WDR27: variants seen among roughly 807,000 people sequenced by gnomAD.
WDR27 encodes the protein WD repeat domain 27.
Under a neutral mutation model 114.4 loss-of-function variants are expected in WDR27, and 100 were observed. The observed-to-expected ratio is 0.87, with a 90% CI of 0.74 to 1.03. The LOEUF (loss-of-function observed/expected upper bound fraction) is 1.03. Ranked by LOEUF, WDR27 falls within the 50% of genes least tolerant of loss-of-function variation. The pLI, the probability that WDR27 is intolerant of heterozygous loss-of-function variation, is 0.00. For synonymous variants in WDR27, 449 were observed against 423.1 expected (o/e 1.06, Z -0.75); for missense variants, 1,129 against 1,092.9 (o/e 1.03, Z -0.47).
chr6:169,645,292 C>T (rs374203449), intron 16 of WDR27, among the ~76,000 whole-genome samples: 13 of 116,176 alleles, frequency 1.1e-4, no homozygotes, highest in South Asian at 1.1e-3. Context: ...CCTAGTTCAC[C>T]GGGTCATACT....
rs1585151279 is a variant in WDR27, at chr6:169,684,997, C to T, written c.189+3820G>A. On this transcript the variant is annotated intron_variant, in intron 2 of 25. Transcript: ENST00000448612. The surrounding 1 kb of genome is among the most constrained non-coding windows in gnomAD (Gnocchi z 4.3). ...CCAGGTGAACCCATCCTTGGCAAAG[C>T]TACACAACCATCACCACAAATTCTC... is the stretch of plus-strand genomic sequence containing the variant. Among the ~76,000 whole-genome samples, 1 of 152,334 alleles carries T rather than the reference C, an allele frequency of 6.6e-6. No homozygotes were observed. The highest frequency in any genetic ancestry group is 1.9e-4 in the East Asian group (1 of 5,182).
chr6:169,700,533 C>T (rs1401657380), intron 1 of WDR27, among the ~76,000 whole-genome samples: 1 of 152,240 alleles, frequency 6.6e-6, no homozygotes, highest in Non-Finnish European at 1.5e-5. Context: ...CACTGCCTCT[C>T]TTCTTTCCCC....
intron 21 of WDR27, among the ~76,000 whole-genome samples, chr6:169,630,518 C>A (rs1226666726): frequency 6.6e-6 from 1 of 152,226 alleles, no homozygotes; most frequent in Non-Finnish European, 1.5e-5. Flanking sequence ...CAGATTTATA[C>A]TTTAACATTC....
At chr6:169,521,766 C>G (rs903769738) in intron 25 of WDR27, among the ~76,000 whole-genome samples, 1 of 151,676 alleles carries the variant, frequency 6.6e-6, no homozygotes, top group African/African-American at 2.4e-5. Context: ...GTTTTGTAAG[C>G]CTCATAGTAA....
intron 25 of WDR27, among the ~76,000 whole-genome samples, chr6:169,540,993 A>C (rs1055881388): frequency 2.0e-5 from 3 of 152,220 alleles, no homozygotes; most frequent in Non-Finnish European, 4.4e-5. Flanking sequence ...CACTGAAGAA[A>C]TCTTTATTCT....
At chr6:169,618,442 T>C (rs1812364967) in intron 21 of WDR27, among the ~76,000 whole-genome samples, 1 of 152,116 alleles carries the variant, frequency 6.6e-6, no homozygotes. Flanking sequence ...ATTTTTTAAA[T>C]GAGCCATTTA....
In WDR27 at chr6:169,638,655, C is replaced by T. The variant is rs1375009383; in HGVS notation, c.1753G>A (p.Asp585Asn). 3.1e-6 allele frequency: 5 copies of T among 1,601,928 alleles called. No individual in the cohort carries two copies. Among genetic ancestry groups the T allele is most frequent in the Non-Finnish European group, 4.3e-6 (5 of 1,174,322 alleles). ...CAGCACACGGCATTCACTGCCCCGT[C>T]GTGACCTAACAGGAATGACCACAGA... ...TGTPAVFSGHDGAVNAVCWSQ... is the reference protein window; with the variant it reads ...TGTPAVFSGHNGAVNAVCWSQ... Residue 585 changes from aspartate (D) to asparagine (N), a missense_variant, in exon 18 of 26, where the codon GAC (aspartate) becomes AAC (asparagine). Asp to Asn is a conservative substitution (Grantham distance 23, BLOSUM62 1). Coordinates refer to ENST00000448612, the MANE Select transcript of WDR27 (RefSeq NM_182552.5).
intron 25 of WDR27, among the ~76,000 whole-genome samples, chr6:169,502,205 A>T (rs952009328): frequency 5.3e-5 from 8 of 152,266 alleles, no homozygotes; most frequent in African/African-American, 1.9e-4. Context: ...CGCACGCCTG[A>T]CGCTCTGGCG....
intron 25 of WDR27, among the ~76,000 whole-genome samples, chr6:169,481,349 C>T (rs1788024950): frequency 6.6e-6 from 1 of 152,176 alleles, no homozygotes; most frequent in Non-Finnish European, 1.5e-5. Flanking sequence ...GTAAAATGGA[C>T]CAATCAGCTC....
chr6:169,597,585 G>A (rs1309817966), intron 23 of WDR27, among the ~76,000 whole-genome samples: 1 of 151,988 alleles, frequency 6.6e-6, no homozygotes, highest in African/African-American at 2.4e-5. Context: ...GGTGTCCATT[G>A]GGAATTCCCA....
intron 1 of WDR27, among the ~76,000 whole-genome samples, chr6:169,700,059 C>A (rs1425372518): frequency 6.6e-6 from 1 of 152,182 alleles, no homozygotes; most frequent in Non-Finnish European, 1.5e-5. Flanking sequence ...ATTCCTCCCA[C>A]CTCCACCCCA....
chr6:169,434,229 A>G, the WDR27 span, among the ~76,000 whole-genome samples: 2 of 152,148 alleles, frequency 1.3e-5, no homozygotes, highest in African/African-American at 4.8e-5. Context: ...TAGGTTTTAC[A>G]TTTAAGTCCT....
chr6:169,602,307 A>G lies in WDR27; in HGVS notation c.2336T>C (p.Phe779Ser), dbSNP rs1193526560. The change falls in exon 23 of 26, where the codon TTT becomes TCT. Residue 779 changes from phenylalanine to serine, a missense_variant. By Grantham distance (155) the Phe-to-Ser change is radical (BLOSUM62 -2). Coordinates refer to ENST00000448612, the MANE Select transcript of WDR27 (RefSeq NM_182552.5). The part of the protein sequence containing the change: ...DLRTLRCERH[F>S]EGHPTRGYPC... ...ATAGCCGCGGGTTGGATGCCCTTCA[A>G]AGTGGCGCTCACACCTACAGGGAGG... is the stretch of plus-strand genomic sequence containing the variant. 9 of 1,553,946 alleles carry G rather than the reference A, an allele frequency of 5.8e-6. No homozygotes were observed. The highest frequency in any genetic ancestry group is 1.9e-5 in the Admixed American group (1 of 52,334).
chr6:169,510,185 A>C lies in WDR27; in HGVS notation c.2646-52551T>G, dbSNP rs997551645. Among the ~76,000 whole-genome samples, 16 of 152,196 alleles carry C rather than the reference A, an allele frequency of 1.1e-4. 1 individual carries two copies. The highest frequency in any genetic ancestry group is 9.8e-4 in the Admixed American group (15 of 15,272). ...GGAACACTTTTACACTGTTGGTGGG[A>C]CTGTAAACTAGTTCAACCATTGTGG... On this transcript the variant is annotated intron_variant, in intron 25 of 25. Coordinates refer to ENST00000448612, the MANE Select transcript of WDR27 (RefSeq NM_182552.5).
intron 25 of WDR27, among the ~76,000 whole-genome samples, chr6:169,471,552 A>T (rs1786395161): frequency 6.6e-6 from 1 of 152,352 alleles, no homozygotes; most frequent in African/African-American, 2.4e-5. Context: ...TAAAATGTCC[A>T]TGGCTTGAAT....
intron 25 of WDR27, among the ~76,000 whole-genome samples, chr6:169,461,098 C>T (rs1167291040): frequency 2.0e-5 from 3 of 151,892 alleles, no homozygotes; most frequent in Non-Finnish European, 4.4e-5. Context: ...ATTTACATAC[C>T]TAATAACAGA....
At chr6:169,597,456 G>C (rs1807033887) in intron 23 of WDR27, among the ~76,000 whole-genome samples, 1 of 152,040 alleles carries the variant, frequency 6.6e-6, no homozygotes, top group South Asian at 2.1e-4. Context: ...ACTCCAGAAA[G>C]GTGGGCAGAT....
intron 1 of WDR27, among the ~76,000 whole-genome samples, chr6:169,697,815 T>C (rs1786618331): frequency 6.6e-6 from 1 of 152,116 alleles, no homozygotes; most frequent in South Asian, 2.1e-4. Context: ...ATCCAATAAA[T>C]ATCAGTGCAG....
intron 25 of WDR27, among the ~76,000 whole-genome samples, chr6:169,519,908 C>G (rs2997890): frequency 6.6e-6 from 1 of 151,888 alleles, no homozygotes; most frequent in Non-Finnish European, 1.5e-5. Context: ...CATGGAAAAT[C>G]TCCCCCCAAC....
Sources: allele counts gnomAD v4.1 joint callset (sites outside exome capture counted in the v4.1 genomes callset), GRCh38; gene constraint gnomAD v4.1.1; non-coding constraint Gnocchi (gnomAD v3.1); transcripts MANE v1.5; gene names NCBI Gene and HGNC (gene_info 2026-07-23, HGNC 2026-07-21).